Variants in RGL1 observed in about 807,000 individuals in gnomAD.
RGL1 encodes ral guanine nucleotide dissociation stimulator like 1, also known as ral guanine nucleotide dissociation stimulator-like 1.
Under a neutral mutation model 95.2 loss-of-function variants are expected in RGL1, and 24 were observed. The ratio of observed to expected loss-of-function variants is 0.25; its 90% CI spans 0.18 to 0.35. The LOEUF (loss-of-function observed/expected upper bound fraction) is 0.35. Ranked by LOEUF, RGL1 falls within the 10% of genes least tolerant of loss-of-function variation. The pLI is 1.00. For synonymous variants in RGL1, 329 were observed against 344.9 expected, an observed-to-expected ratio of 0.95 and a Z score of 0.51; for missense variants, 715 against 936.3, an observed-to-expected ratio of 0.76 and a Z score of 3.08.
chr1:183,811,810 T>C (rs1270207557), intron 2 of RGL1, among the ~76,000 whole-genome samples: 3 of 152,200 alleles, frequency 2.0e-5, no homozygotes, highest in Admixed American at 1.3e-4. Context: ...TCCCAGCAAA[T>C]ACATAATGGC....
chr1:183,695,260 C>A (rs1171323796), intron 1 of RGL1, among the ~76,000 whole-genome samples: 1 of 152,128 alleles, frequency 6.6e-6, no homozygotes, highest in African/African-American at 2.4e-5. Flanking sequence ...ATTTTAGATT[C>A]TTTTTTGTTC....
intron 1 of RGL1, among the ~76,000 whole-genome samples, chr1:183,706,863 C>T (rs1309078374): frequency 1.3e-5 from 2 of 152,200 alleles, no homozygotes; most frequent in Non-Finnish European, 2.9e-5. Context: ...CGTCAAGCTT[C>T]TGAAGCTTGC....
intron 1 of RGL1, among the ~76,000 whole-genome samples, chr1:183,690,557 T>C (rs917821828): frequency 1.3e-5 from 2 of 152,196 alleles, no homozygotes; most frequent in African/African-American, 4.8e-5. Context: ...TATCTTTAGC[T>C]GATTGTCAAA....
At chr1:183,896,142 A>C (rs1329373849) in intron 9 of RGL1, among the ~76,000 whole-genome samples, 1 of 152,210 alleles carries the variant, frequency 6.6e-6, no homozygotes, top group African/African-American at 2.4e-5. Flanking sequence ...GACATAATTG[A>C]TTTCTCACTC....
At chr1:183,637,348 T>C (rs1474188001) in intron 1 of RGL1, among the ~76,000 whole-genome samples, 1 of 152,150 alleles carries the variant, frequency 6.6e-6, no homozygotes, top group Non-Finnish European at 1.5e-5. Flanking sequence ...GTATCTTCCT[T>C]CCATATGACA....
chr1:183,839,340 T>G (rs2500106), intron 2 of RGL1, among the ~76,000 whole-genome samples: 66,433 of 152,016 alleles, frequency 0.44, 15,427 homozygotes, highest in African/African-American at 0.6. Flanking sequence ...ATTTTCTTTC[T>G]TATAGGTGAC....
At chr1:183,748,627 C>T (rs1023009476) in intron 2 of RGL1, among the ~76,000 whole-genome samples, 3 of 151,888 alleles carry the variant, frequency 2.0e-5, no homozygotes, top group Admixed American at 6.6e-5. Context: ...AGGATGGTCT[C>T]GATCTCCTGA....
intron 2 of RGL1, among the ~76,000 whole-genome samples, chr1:183,829,822 T>A (rs150311500): frequency 6.7e-6 from 1 of 149,966 alleles, no homozygotes; most frequent in East Asian, 2.0e-4. Flanking sequence ...TCTCACCATT[T>A]ATCTGGTGCA....
chr1:183,641,765 T>C (rs545997883), intron 1 of RGL1, among the ~76,000 whole-genome samples: 2 of 152,386 alleles, frequency 1.3e-5, no homozygotes, highest in African/African-American at 4.8e-5. Context: ...TAGAGTGTGC[T>C]GCAAAACCAC....
At chr1:183,647,561 T>C in intron 1 of RGL1, 17 of 1,433,342 alleles carry the variant, frequency 1.2e-5, no homozygotes, top group Non-Finnish European at 1.6e-5. Context: ...AGGTTTGCTT[T>C]TAGTGCATCA....
intron 2 of RGL1, among the ~76,000 whole-genome samples, chr1:183,842,332 CTTT>C (rs5779189): frequency 6.8e-6 from 1 of 146,414 alleles, no homozygotes; most frequent in Admixed American, 6.8e-5. Flanking sequence ...ATTGAAGGGA[CTTT>C]TTTTTTTTTT....
At chr1:183,638,308 T>C (rs1222672666) in intron 1 of RGL1, among the ~76,000 whole-genome samples, 2 of 152,198 alleles carry the variant, frequency 1.3e-5, no homozygotes, top group African/African-American at 4.8e-5. Context: ...ATAATGCTTA[T>C]TGCATTTAAG....
At chr1:183,854,177 A>G (rs1664996805) in intron 3 of RGL1, among the ~76,000 whole-genome samples, 1 of 152,246 alleles carries the variant, frequency 6.6e-6, no homozygotes, top group Non-Finnish European at 1.5e-5. Context: ...ACAGAGTTAT[A>G]AAGGATATTT....
intron 1 of RGL1, among the ~76,000 whole-genome samples, chr1:183,740,262 G>A (rs773893890): frequency 1.3e-5 from 2 of 152,112 alleles, no homozygotes; most frequent in African/African-American, 2.4e-5. Context: ...GAGGAACTTT[G>A]TTCATTAATT....
chr1:183,649,498 G>A (rs992857570), intron 1 of RGL1, among the ~76,000 whole-genome samples: 1 of 151,856 alleles, frequency 6.6e-6, no homozygotes, highest in Non-Finnish European at 1.5e-5. Context: ...AGGTTTTTGG[G>A]TTTTTTTTGA....
chr1:183,920,244 C>T (rs1445461570), intron 16 of RGL1, among the ~76,000 whole-genome samples: 1 of 152,206 alleles, frequency 6.6e-6, no homozygotes, highest in South Asian at 2.1e-4. Flanking sequence ...ACCATGTTGG[C>T]CAGGATGGTC....
At chr1:183,878,443 C>T (rs1666646146) in intron 4 of RGL1, among the ~76,000 whole-genome samples, 1 of 152,096 alleles carries the variant, frequency 6.6e-6, no homozygotes, top group Non-Finnish European at 1.5e-5. Context: ...AGCAATAATC[C>T]TGTCTCAGCC....
chr1:183,884,877 G>A lies in RGL1; in HGVS notation c.890G>A (p.Gly297Asp), dbSNP rs757414217. 13 of 1,614,110 alleles carry A rather than the reference G, an allele frequency of 8.1e-6. No homozygotes were observed. The highest frequency in any genetic ancestry group is 2.2e-5 in the South Asian group (2 of 91,084). The change falls in exon 7 of 18, where the codon GGC (glycine) becomes GAC (aspartate). Residue 297 changes from glycine (G) to aspartate (D), a missense_variant. Gly to Asp is a moderately conservative substitution (Grantham distance 94, BLOSUM62 -1). Coordinates refer to ENST00000360851, the MANE Select transcript of RGL1 (RefSeq NM_001297671.3). ...TKCVVSTILG[G>D]KELKTQQRAK... is the part of the protein sequence containing the mutation. ...TGTGTTGTCAGCACCATCCTGGGGG[G>A]CAAAGAACTCAAAACTCAGCAGAGA...
intron 2 of RGL1, among the ~76,000 whole-genome samples, chr1:183,820,548 CT>C (rs1258700258): frequency 6.6e-6 from 1 of 152,108 alleles, no homozygotes; most frequent in East Asian, 1.9e-4. Flanking sequence ...GGATGGTGCT[CT>C]TTCCTTCTGC....
Sources: allele counts gnomAD v4.1 joint callset (sites outside exome capture counted in the v4.1 genomes callset), GRCh38; gene constraint gnomAD v4.1.1; transcripts MANE v1.5; gene names NCBI Gene and HGNC (gene_info 2026-07-23, HGNC 2026-07-21).